Variants in KCND2 observed in about 807,000 individuals in gnomAD.
KCND2 encodes A-type voltage-gated potassium channel KCND2.
KCND2 carries 16 observed loss-of-function variants against 54.4 expected under a neutral mutation model. The observed-to-expected ratio is 0.29, with a 90% CI of 0.20 to 0.45. The LOEUF (loss-of-function observed/expected upper bound fraction) is 0.45. KCND2 is among the 20% of genes least tolerant of loss of function. The pLI, the probability that KCND2 is intolerant of heterozygous loss-of-function variation, is 1.00. For missense variants in KCND2, 486 were observed against 824.2 expected (o/e 0.59, Z 5.02); for synonymous variants, 317 against 310.7 (o/e 1.02, Z -0.21).
rs1791724463 is a variant in KCND2, at chr7:120,650,935, T to C, written c.1116-81968T>C. ...GCAGAGGCTGCAGAACAGCAAATAT[T>C]GCTGAACAGCAAACGTTGCCACCTG... On this transcript the variant is annotated intron_variant, in intron 1 of 5. Transcript: ENST00000331113. 1.4e-5 allele frequency among the ~76,000 whole-genome samples: 2 copies of C among 143,516 alleles called. 1 individual carries two copies. The highest frequency in any genetic ancestry group is 3.0e-5 in the Non-Finnish European group (2 of 66,034). The allele number at this position is 143,516 out of a possible 152,430, so 94.2% of individuals were successfully genotyped here.
intron 1 of KCND2, among the ~76,000 whole-genome samples, chr7:120,426,243 T>G (rs1004010561): frequency 1.3e-5 from 2 of 152,122 alleles, no homozygotes; most frequent in African/African-American, 4.8e-5. Flanking sequence ...TTACAAACTT[T>G]GACCTCCCAA....
chr7:120,334,605 C>T (rs189786429), intron 1 of KCND2, among the ~76,000 whole-genome samples: 108 of 152,178 alleles, frequency 7.1e-4, no homozygotes, highest in East Asian at 1.9e-3. Context: ...CCACACTTTC[C>T]GTATATGGGT....
intron 1 of KCND2, among the ~76,000 whole-genome samples, chr7:120,580,379 A>C (rs966003066): frequency 6.6e-6 from 1 of 152,270 alleles, no homozygotes; most frequent in Admixed American, 6.5e-5. Flanking sequence ...GGAAACAGGC[A>C]AACCGTCTCT....
chr7:120,332,738 A>G (rs1210507970), intron 1 of KCND2, among the ~76,000 whole-genome samples: 1 of 152,076 alleles, frequency 6.6e-6, no homozygotes, highest in East Asian at 1.9e-4. Flanking sequence ...GCTCATTGTT[A>G]CTTGATTGCT....
intron 1 of KCND2, among the ~76,000 whole-genome samples, chr7:120,534,195 C>G (rs1393057676): frequency 6.6e-6 from 1 of 152,092 alleles, no homozygotes; most frequent in Non-Finnish European, 1.5e-5. Context: ...GGGGCAGGGG[C>G]TGATTTTACA....
At chr7:120,618,459 T>TA (rs1793056144) in intron 1 of KCND2, among the ~76,000 whole-genome samples, 1 of 152,210 alleles carries the variant, frequency 6.6e-6, no homozygotes, top group Non-Finnish European at 1.5e-5. Flanking sequence ...GTCTCTAAAC[T>TA]GAGTTACAAC....
chr7:120,368,234 G>A (rs913515566), intron 1 of KCND2, among the ~76,000 whole-genome samples: 3 of 151,856 alleles, frequency 2.0e-5, no homozygotes, highest in Non-Finnish European at 2.9e-5. Flanking sequence ...TTCTTCTGGC[G>A]GATCCAGTGA....
At chr7:120,315,803 TGTGTGTGTGTG>T (rs2116322241) in intron 1 of KCND2, among the ~76,000 whole-genome samples, 1 of 148,670 alleles carries the variant, frequency 6.7e-6, no homozygotes, top group African/African-American at 2.5e-5. Flanking sequence ...TGTGTGTGTG[TGTGTGTGTGTG>T]TGTAATATTT....
rs142242441 is a variant in KCND2, at chr7:120,645,945, G to A, written c.1116-86958G>A. 6.4e-3 allele frequency among the ~76,000 whole-genome samples: 976 copies of A among 152,312 alleles called. 7 individuals are homozygous for A. Among genetic ancestry groups the A allele is most frequent in the African/African-American group, 0.023 (939 of 41,568 alleles). ...CCCTCTCCTTTAATAAACACTGGAA[G>A]TCCTCATATTTAGCAAGGTGAGAAA... On this transcript the variant is annotated intron_variant, in intron 1 of 5. Transcript: ENST00000331113.
chr7:120,672,894 T>C (rs553031747), intron 1 of KCND2: 1 of 152,154 alleles, frequency 6.6e-6, no homozygotes, highest in South Asian at 2.1e-4. Flanking sequence ...CGTGTACTAA[T>C]AATATAGGAA....
rs530927835 is a variant in KCND2, at chr7:120,454,511, T to G, written c.1115+178764T>G. On this transcript the variant is annotated intron_variant, in intron 1 of 5. Coordinates refer to ENST00000331113, the MANE Select transcript of KCND2 (RefSeq NM_012281.3). ...TCTCAAGATTCAACCAGGAACAAAT[T>G]GAATCCCTGGACAAACCAATAACAA... Among the ~76,000 whole-genome samples, 3 of 152,204 alleles carry G rather than the reference T, an allele frequency of 2.0e-5. No homozygotes were observed. In the South Asian group the frequency reaches 6.2e-4, roughly 32 times the overall value.
chr7:120,445,098 C>T lies in KCND2; in HGVS notation c.1115+169351C>T, dbSNP rs1054127739. ...AAATTGATTTTGTTATCCTCGATATCACTAAATAAAGGCAAGAAATGCAAT... is the reference window on the plus strand; with the variant it reads ...AAATTGATTTTGTTATCCTCGATATTACTAAATAAAGGCAAGAAATGCAAT... On this transcript the variant is annotated intron_variant, in intron 1 of 5. Coordinates refer to ENST00000331113, the MANE Select transcript of KCND2 (RefSeq NM_012281.3). 6.6e-5 allele frequency among the ~76,000 whole-genome samples: 10 copies of T among 152,186 alleles called. No homozygotes were observed. In the South Asian group the frequency reaches 8.3e-4, roughly 13 times the overall value.
chr7:120,476,235 C>A (rs1199253279), intron 1 of KCND2, among the ~76,000 whole-genome samples: 2 of 152,152 alleles, frequency 1.3e-5, no homozygotes, highest in African/African-American at 2.4e-5. Flanking sequence ...CTTTCAATAC[C>A]TTTTCTCTTC....
At chr7:120,370,138 CATTCCAGGCAGAGGACTGAG>C (rs1456164640) in intron 1 of KCND2, among the ~76,000 whole-genome samples, 1 of 151,910 alleles carries the variant, frequency 6.6e-6, no homozygotes, top group Non-Finnish European at 1.5e-5. Context: ...GAAAGAAGAT[CATTCCAGGCAGAGGACTGAG>C]CTAGAGCAAT....
chr7:120,276,455 C>G (rs143243213), intron 1 of KCND2, among the ~76,000 whole-genome samples: 30 of 149,154 alleles, frequency 2.0e-4, no homozygotes, highest in Admixed American at 5.4e-4. Context: ...AGACTGTCAT[C>G]CACACATTTT....
At chr7:120,410,593 A>G (rs1227114606) in intron 1 of KCND2, among the ~76,000 whole-genome samples, 1 of 151,918 alleles carries the variant, frequency 6.6e-6, no homozygotes, top group Non-Finnish European at 1.5e-5. Flanking sequence ...CATAAGCACA[A>G]CGTGCAGGTT....
intron 1 of KCND2, among the ~76,000 whole-genome samples, chr7:120,550,595 G>T (rs1584823953): frequency 6.6e-6 from 1 of 152,136 alleles, no homozygotes. Context: ...ACAGGAAATG[G>T]TTTTACAAGC....
intron 1 of KCND2, among the ~76,000 whole-genome samples, chr7:120,284,792 A>G (rs1799315715): frequency 6.6e-6 from 1 of 152,192 alleles, no homozygotes; most frequent in Non-Finnish European, 1.5e-5. Flanking sequence ...TCTTTACAGC[A>G]CAATACACTG....
chr7:120,714,171 G>A (rs184632116), intron 1 of KCND2, among the ~76,000 whole-genome samples: 1 of 152,098 alleles, frequency 6.6e-6, no homozygotes, highest in Non-Finnish European at 1.5e-5. Flanking sequence ...CCCTTAAGAA[G>A]CTCGCTTATT....
Sources: gnomAD v4.1 joint callset for allele counts (sites outside exome capture counted in the v4.1 genomes callset) on GRCh38, gnomAD v4.1.1 for gene constraint, MANE v1.5 for transcripts, NCBI Gene and HGNC (gene_info 2026-07-23, HGNC 2026-07-21) for gene names.